The following CEP63 variants were observed in gnomAD, a reference collection of about 807,000 sequenced individuals.
CEP63 encodes the protein centrosomal protein of 63 kDa.
A neutral mutation model predicts 89.1 loss-of-function variants in CEP63; 84 were observed. The observed-to-expected ratio is 0.94, with a 90% confidence interval of 0.79 to 1.13. The LOEUF (loss-of-function observed/expected upper bound fraction) is 1.13. CEP63 is among the 50% of genes most tolerant of loss of function. The pLI, the probability that CEP63 is intolerant of heterozygous loss-of-function variation, is 0.00. For synonymous variants in CEP63, 267 were observed against 272.5 expected (o/e 0.98, Z 0.20); for missense variants, 838 against 813.3 (o/e 1.03, Z -0.37).
At chr3:134,579,752 C>T (rs75018825), downstream of CEP63, among the ~76,000 whole-genome samples, 146 of 152,122 alleles carry the variant, frequency 9.6e-4, 2 homozygotes, top group East Asian at 0.024. Flanking sequence ...AGACATCATT[C>T]GAATGTCTAT....
the CEP63 span, among the ~76,000 whole-genome samples, chr3:134,712,961 C>T: frequency 2.6e-4 from 40 of 152,330 alleles, 2 homozygotes; most frequent in South Asian, 7.9e-3. Context: ...CAGGCCAGAG[C>T]ATGTCTGATT....
intron 10 of CEP63, among the ~76,000 whole-genome samples, chr3:134,549,726 A>G (rs1258585014): frequency 1.3e-5 from 2 of 152,154 alleles, no homozygotes; most frequent in South Asian, 2.1e-4. Flanking sequence ...CTAAGATACC[A>G]TATGAGCAAA....
At chr3:134,556,421 A>T (rs1428364239) in intron 12 of CEP63, among the ~76,000 whole-genome samples, 1 of 152,084 alleles carries the variant, frequency 6.6e-6, no homozygotes, top group Non-Finnish European at 1.5e-5. Context: ...GAGAGGAGAC[A>T]ATAGCTAAAC....
chr3:134,519,190 C>T (rs1265910452), intron 3 of CEP63, among the ~76,000 whole-genome samples: 1 of 152,072 alleles, frequency 6.6e-6, no homozygotes, highest in Non-Finnish European at 1.5e-5. Context: ...GTTGCGTGAT[C>T]TCAGCTCACT....
At chr3:134,701,899 A>G in the CEP63 span, among the ~76,000 whole-genome samples, 1 of 152,190 alleles carries the variant, frequency 6.6e-6, no homozygotes, top group East Asian at 1.9e-4. Context: ...GATAAGAGAC[A>G]GTGAGACCCT....
At position 134,531,594 on chromosome 3, in the gene CEP63, GAA is replaced by G. The variant is rs758541719; in HGVS notation, c.223-247_223-246del. Among the ~76,000 whole-genome samples the G allele has an allele frequency of 2.3e-4, 35 of 151,974 alleles. 1 individual carries two copies. The highest frequency in any genetic ancestry group is 3.5e-4 in the Non-Finnish European group (24 of 67,964). On this transcript the variant is annotated intron_variant, in intron 3 of 14. Coordinates refer to ENST00000675561, the MANE Select transcript of CEP63 (RefSeq NM_001353108.3). The stretch of plus-strand genomic sequence containing the variant: ...GACTCCCATCTCAAAAAGAAAAAAA[GAA>G]AAAGAGAGAGAGTCTTCATCTAAAC...
chr3:134,688,023 A>G, the CEP63 span, among the ~76,000 whole-genome samples: 16 of 152,384 alleles, frequency 1.0e-4, no homozygotes, highest in African/African-American at 3.8e-4. Flanking sequence ...GAAAAATTAA[A>G]CATTAATTTA....
chr3:134,707,518 C>T, the CEP63 span, among the ~76,000 whole-genome samples: 1 of 152,124 alleles, frequency 6.6e-6, no homozygotes. Flanking sequence ...CTTCCTGTTC[C>T]TTGATATTTC....
At chr3:134,490,400 A>G (rs964733119) in intron 1 of CEP63, among the ~76,000 whole-genome samples, 2 of 152,074 alleles carry the variant, frequency 1.3e-5, no homozygotes, top group Admixed American at 1.3e-4. Flanking sequence ...TTTTATTATC[A>G]ATATGATTCC....
the CEP63 span, among the ~76,000 whole-genome samples, chr3:134,692,579 A>T: frequency 6.6e-6 from 1 of 152,194 alleles, no homozygotes; most frequent in Non-Finnish European, 1.5e-5. Flanking sequence ...CTCACGAGAG[A>T]AAAGAGAGTA....
chr3:134,516,017 C>T (rs1035444896), intron 3 of CEP63, among the ~76,000 whole-genome samples: 3 of 152,048 alleles, frequency 2.0e-5, no homozygotes, highest in Non-Finnish European at 2.9e-5. Flanking sequence ...GAAAGAGACA[C>T]AAAGTGTAGA....
chr3:134,520,393 A>G (rs1947192427), intron 3 of CEP63, among the ~76,000 whole-genome samples: 1 of 152,202 alleles, frequency 6.6e-6, no homozygotes, highest in Non-Finnish European at 1.5e-5. Flanking sequence ...AGAAAGCTCT[A>G]AATTATGGAG....
the CEP63 span, among the ~76,000 whole-genome samples, chr3:134,653,500 G>A: frequency 6.6e-6 from 1 of 152,168 alleles, no homozygotes; most frequent in Non-Finnish European, 1.5e-5. Context: ...GGCCTGCCAG[G>A]AGCATAGATG....
chr3:134,655,613 A>G, the CEP63 span, among the ~76,000 whole-genome samples: 1 of 152,182 alleles, frequency 6.6e-6, no homozygotes, highest in African/African-American at 2.4e-5. Flanking sequence ...CCAACTCTGT[A>G]TGCTCCAAAG....
At chr3:134,643,908 G>A in the CEP63 span, among the ~76,000 whole-genome samples, 1 of 150,640 alleles carries the variant, frequency 6.6e-6, no homozygotes, top group Non-Finnish European at 1.5e-5. Context: ...CTCACTGCAA[G>A]CTCCGCCTCC....
At chr3:134,490,329 ATAGAAT>A (rs1174845840) in intron 1 of CEP63, among the ~76,000 whole-genome samples, 21 of 152,150 alleles carry the variant, frequency 1.4e-4, no homozygotes, top group African/African-American at 5.1e-4. Flanking sequence ...AGTGCCATTA[ATAGAAT>A]TAGTTTTTTT....
At chr3:134,723,021 TGTCC>T in the CEP63 span, among the ~76,000 whole-genome samples, 1 of 152,236 alleles carries the variant, frequency 6.6e-6, no homozygotes, top group Non-Finnish European at 1.5e-5. Context: ...TCCACTCGGC[TGTCC>T]ACATTTGCCC....
At chr3:134,565,087 C>A, downstream of CEP63, 1 of 423,408 alleles carries the variant, frequency 2.4e-6, no homozygotes, top group Non-Finnish European at 3.2e-6. Context: ...TCAGGGTACC[C>A]AAATGAGATG....
chr3:134,531,482 C>T (rs569302651), intron 3 of CEP63, among the ~76,000 whole-genome samples: 1 of 152,172 alleles, frequency 6.6e-6, no homozygotes, highest in Non-Finnish European at 1.5e-5. Flanking sequence ...ACTTGGGAGA[C>T]CGAGGCAGAC....
Sources: allele counts gnomAD v4.1 joint callset (sites outside exome capture counted in the v4.1 genomes callset), GRCh38; gene constraint gnomAD v4.1.1; transcripts MANE v1.5; gene names NCBI Gene and HGNC (gene_info 2026-07-23, HGNC 2026-07-21).